The following EZR variants were observed in gnomAD, a reference collection of about 807,000 sequenced individuals.
The protein encoded by EZR is ezrin.
EZR carries 40 observed loss-of-function variants against 74.8 expected under a neutral mutation model. That is an observed-to-expected ratio of 0.53 (90% CI 0.42 to 0.70). The LOEUF (loss-of-function observed/expected upper bound fraction) is 0.70, where lower values mean the gene tolerates loss of function less well. Among genes scored for constraint, EZR ranks in the 30% least tolerant of loss-of-function variants. The probability of loss-of-function intolerance (pLI) is 0.00; values close to 1 mark genes in which losing one functional copy is unlikely to be tolerated. For synonymous variants in EZR, 341 were observed against 283.3 expected (o/e 1.20, Z -2.05); for missense variants, 678 against 755.8 (o/e 0.90, Z 1.21).
chr6:158,774,547 C>T (rs552120410), intron 8 of EZR, among the ~76,000 whole-genome samples: 8 of 151,910 alleles, frequency 5.3e-5, no homozygotes, highest in Non-Finnish European at 8.8e-5. Context: ...CTTTTGCTTA[C>T]GAGATGGCTT....
intron 2 of EZR, among the ~76,000 whole-genome samples, chr6:158,798,451 C>T (rs1051200986): frequency 1.3e-5 from 2 of 152,186 alleles, no homozygotes; most frequent in Non-Finnish European, 2.9e-5. Flanking sequence ...CAAACTGACA[C>T]CAACACAGTA....
intron 7 of EZR, among the ~76,000 whole-genome samples, chr6:158,780,400 T>C (rs1203931923): frequency 6.6e-6 from 1 of 152,198 alleles, no homozygotes; most frequent in Admixed American, 6.5e-5. Flanking sequence ...CACTTTCATT[T>C]TGAGGAAGGA....
At chr6:158,792,826 AAAGT>A (rs1441864133) in intron 2 of EZR, among the ~76,000 whole-genome samples, 2 of 150,590 alleles carry the variant, frequency 1.3e-5, no homozygotes, top group African/African-American at 4.9e-5. Flanking sequence ...AAAAAAAAAA[AAAGT>A]AAGCTACTGA....
intron 2 of EZR, among the ~76,000 whole-genome samples, chr6:158,797,929 G>A (rs975608430): frequency 1.3e-5 from 2 of 152,116 alleles, no homozygotes; most frequent in African/African-American, 4.8e-5. Context: ...TCTAGTTTTG[G>A]AATAGTTTGT....
chr6:158,806,033 T>G (rs1777332495), intron 2 of EZR, among the ~76,000 whole-genome samples: 1 of 152,236 alleles, frequency 6.6e-6, no homozygotes, highest in Non-Finnish European at 1.5e-5. Flanking sequence ...CCCATTCCTA[T>G]GGGCCCCCCA....
intron 2 of EZR, among the ~76,000 whole-genome samples, chr6:158,803,562 T>C (rs9457468): frequency 0.21 from 1,474 of 7,064 alleles, 239 homozygotes; most frequent in African/African-American, 0.41. Context: ...TATATATATA[T>C]ATATATATAT....
chr6:158,806,993 G>GTGACC (rs772266339), intron 2 of EZR, among the ~76,000 whole-genome samples: 123 of 152,128 alleles, frequency 8.1e-4, no homozygotes, highest in Non-Finnish European at 1.5e-3. Flanking sequence ...CTTTAACCAA[G>GTGACC]TGACCTGTGG....
intron 2 of EZR, among the ~76,000 whole-genome samples, chr6:158,794,996 A>C (rs1777038000): frequency 6.6e-6 from 1 of 152,204 alleles, no homozygotes; most frequent in Non-Finnish European, 1.5e-5. Context: ...CACACCTGTA[A>C]TCACAGCACT....
Position 158,818,089 on chromosome 6 carries a change from G to C in EZR, c.5C>G (p.Pro2Arg). The part of the protein sequence containing the change: M[P>R]KPINVRVTTM... ...AGAAACTGGGCAACTTACTGGTTTC[G>C]GCATTTTCGGTTTCTGGTGAGTATC... is the stretch of plus-strand genomic sequence containing the variant. Residue 2 changes from proline (P) to arginine (R), a missense_variant, in exon 2 of 14, where the codon CCG becomes CGG. Physicochemically the swap from Pro to Arg is moderately radical, Grantham distance 103 (BLOSUM62 -2). Coordinates refer to ENST00000367075, the MANE Select transcript of EZR (RefSeq NM_001111077.2). 6.2e-7 allele frequency: 1 copy of C among 1,608,946 alleles called. No individual in the cohort carries two copies.
chr6:158,814,652 TCC>T (rs1166446074), intron 2 of EZR, among the ~76,000 whole-genome samples: 1 of 151,274 alleles, frequency 6.6e-6, no homozygotes, highest in East Asian at 2.0e-4. Context: ...CAAGCGATTC[TCC>T]TGCCTCAGCC....
At chr6:158,806,097 T>C (rs1414870898) in intron 2 of EZR, among the ~76,000 whole-genome samples, 1 of 152,242 alleles carries the variant, frequency 6.6e-6, no homozygotes, top group African/African-American at 2.4e-5. Context: ...AATCGTTCTA[T>C]GTGTTTCCAA....
chr6:158,785,631 C>A, intron 4 of EZR, 48 bp from the exon 5 acceptor site: 1 of 1,599,550 alleles, frequency 6.3e-7, no homozygotes, highest in Non-Finnish European at 8.5e-7. Flanking sequence ...AAGACGAAGG[C>A]CCACTGTCCC....
chr6:158,767,683 C>A (rs1272171427), intron 12 of EZR, among the ~76,000 whole-genome samples, 171 bp from the exon 13 acceptor site: 1 of 152,148 alleles, frequency 6.6e-6, no homozygotes, highest in Non-Finnish European at 1.5e-5. Context: ...GTTTACAACC[C>A]TCTGCGTCCA....
Position 158,771,376 on chromosome 6 carries a change from A to G in EZR, c.827T>C (p.Ile276Thr), listed in dbSNP as rs751056663. The G allele has an allele frequency of 3.1e-6, 5 of 1,612,914 alleles. No homozygotes were observed. The highest frequency in any genetic ancestry group is 1.3e-5 in the African/African-American group (1 of 75,010). ...GCAGAGCTGCAGGATCCGCTTGTTG[A>G]TTCTCAGACGTGGGGCATAAAACAC... The part of the protein sequence containing the change: ...DFVFYAPRLR[I>T]NKRILQLCMG... The change falls in exon 9 of 14, where the codon ATC (isoleucine) becomes ACC (threonine). Residue 276 changes from isoleucine to threonine, a missense_variant. This residue lies in a region of EZR where 119 missense variants were observed against 182.3 expected (regional missense o/e 0.65). Transcript: ENST00000367075.
At chr6:158,796,525 C>T (rs891608836) in intron 2 of EZR, among the ~76,000 whole-genome samples, 4 of 152,178 alleles carry the variant, frequency 2.6e-5, no homozygotes, top group African/African-American at 4.8e-5. Context: ...TCTTCCAGCT[C>T]GATCATTCTA....
At chr6:158,819,126 C>T (rs1777634315) in intron 1 of EZR, among the ~76,000 whole-genome samples, 191 bp downstream of exon 1, 1 of 151,112 alleles carries the variant, frequency 6.6e-6, no homozygotes, top group Non-Finnish European at 1.5e-5. Context: ...GACCCGGCGC[C>T]GAGGGGAAGG....
intron 2 of EZR, among the ~76,000 whole-genome samples, chr6:158,814,739 C>A (rs1330612643): frequency 6.6e-6 from 1 of 152,054 alleles, no homozygotes; most frequent in Non-Finnish European, 1.5e-5. Context: ...GATGGGGTTT[C>A]ACCATGTTGA....
intron 2 of EZR, among the ~76,000 whole-genome samples, chr6:158,817,459 A>G (rs1777582663): frequency 6.6e-6 from 1 of 152,182 alleles, no homozygotes. Flanking sequence ...ACCTCTTATC[A>G]AACTCCACCG....
At chr6:158,771,212 A>G in intron 9 of EZR, 32 bp downstream of exon 9, 2 of 1,575,844 alleles carry the variant, frequency 1.3e-6, no homozygotes, top group African/African-American at 1.4e-5. Flanking sequence ...GGGAGAACAC[A>G]GGCCCCCCCC....
Sources: allele counts gnomAD v4.1 joint callset (sites outside exome capture counted in the v4.1 genomes callset), GRCh38; gene constraint gnomAD v4.1.1; regional missense constraint gnomAD v4.1.1; transcripts MANE v1.5; gene names NCBI Gene and HGNC (gene_info 2026-07-23, HGNC 2026-07-21).